Variants in UCK2 observed in about 807,000 individuals in gnomAD.
UCK2 encodes the protein uridine-cytidine kinase 2.
UCK2 carries 6 observed loss-of-function variants against 30.8 expected under a neutral mutation model. The ratio of observed to expected loss-of-function variants is 0.19; its 90% confidence interval spans 0.11 to 0.38. UCK2 has a LOEUF of 0.38. UCK2 is among the 10% of genes least tolerant of loss of function. The pLI, the probability that UCK2 is intolerant of heterozygous loss-of-function variation, is 1.00. For synonymous variants in UCK2, 125 were observed against 133.6 expected (o/e 0.94, Z 0.45); for missense variants, 210 against 339.8 (o/e 0.62, Z 3.00).
At chr1:165,886,685 G>A (rs1483112389) in intron 1 of UCK2, among the ~76,000 whole-genome samples, 1 of 152,206 alleles carries the variant, frequency 6.6e-6, no homozygotes, top group Non-Finnish European at 1.5e-5. Context: ...AGAACACAGA[G>A]ATGATAGTGA....
chr1:165,900,673 G>A (rs1647427014), intron 4 of UCK2: 1 of 152,440 alleles, frequency 6.6e-6, no homozygotes, highest in Non-Finnish European at 1.5e-5. Context: ...CAGTTAGGAG[G>A]ACTACGTGAC....
At chr1:165,898,406 T>C (rs559675038) in intron 4 of UCK2, among the ~76,000 whole-genome samples, 5 of 152,260 alleles carry the variant, frequency 3.3e-5, no homozygotes, top group South Asian at 4.1e-4. Flanking sequence ...AATATCTATG[T>C]GGCAGATCAG....
intron 1 of UCK2, among the ~76,000 whole-genome samples, chr1:165,843,228 T>A (rs1432130621): frequency 2.0e-5 from 3 of 152,206 alleles, no homozygotes; most frequent in Non-Finnish European, 1.5e-5. Context: ...AGTCCTTTTT[T>A]TTTTTAAACC....
intron 1 of UCK2, among the ~76,000 whole-genome samples, chr1:165,876,695 G>T (rs1470395293): frequency 1.3e-5 from 2 of 152,170 alleles, no homozygotes; most frequent in Non-Finnish European, 2.9e-5. Flanking sequence ...CAATCTTGAT[G>T]ACTTAAAATG....
chr1:165,896,981 G>A (rs1261216598), intron 4 of UCK2, among the ~76,000 whole-genome samples: 1 of 152,228 alleles, frequency 6.6e-6, no homozygotes, highest in Non-Finnish European at 1.5e-5. Flanking sequence ...TCAGCAGAGA[G>A]TTCGCTTCCA....
At chr1:165,870,810 A>G (rs1655178067) in intron 1 of UCK2, among the ~76,000 whole-genome samples, 1 of 152,208 alleles carries the variant, frequency 6.6e-6, no homozygotes, top group Non-Finnish European at 1.5e-5. Flanking sequence ...TCATTGGACA[A>G]AAATTCCTTG....
At chr1:165,906,430 A>T (rs367694799) in intron 6 of UCK2, among the ~76,000 whole-genome samples, 2 of 152,128 alleles carry the variant, frequency 1.3e-5, no homozygotes, top group African/African-American at 4.8e-5. Context: ...TGTCACCAAG[A>T]TGGAAGTGCA....
At chr1:165,828,234 G>A (rs1653945654) in intron 1 of UCK2, among the ~76,000 whole-genome samples, 1 of 152,206 alleles carries the variant, frequency 6.6e-6, no homozygotes, top group Admixed American at 6.5e-5. Context: ...ATGGGGGAAG[G>A]GCAGGGAAGC....
chr1:165,831,332 T>C (rs1654041290), intron 1 of UCK2, among the ~76,000 whole-genome samples: 2 of 152,174 alleles, frequency 1.3e-5, no homozygotes, highest in Admixed American at 1.3e-4. Flanking sequence ...TGCAGTGAGC[T>C]TTGATGGTGC....
At chr1:165,828,831 T>C (rs1653965665) in intron 1 of UCK2, among the ~76,000 whole-genome samples, 1 of 152,120 alleles carries the variant, frequency 6.6e-6, no homozygotes, top group South Asian at 2.1e-4. Context: ...CTTTCTTTGC[T>C]CCCCTAACAG....
chr1:165,873,771 C>G (rs985131313), intron 1 of UCK2, among the ~76,000 whole-genome samples: 2 of 152,082 alleles, frequency 1.3e-5, no homozygotes, highest in Admixed American at 6.5e-5. Flanking sequence ...GCCTTAGTGC[C>G]GAGACGTGGG....
At chr1:165,882,053 G>T (rs10753696) in intron 1 of UCK2, among the ~76,000 whole-genome samples, 151,514 of 152,310 alleles carry the variant, frequency 0.99, 75,366 homozygotes, top group Middle Eastern at 1. Flanking sequence ...TAATAGCCTT[G>T]TGGGTTTCCC....
At chr1:165,847,904 T>C (rs1654492447) in intron 1 of UCK2, among the ~76,000 whole-genome samples, 1 of 152,148 alleles carries the variant, frequency 6.6e-6, no homozygotes. Flanking sequence ...TTTCACCATG[T>C]TGGCCAGGCT....
intron 4 of UCK2, among the ~76,000 whole-genome samples, chr1:165,899,238 G>A (rs917246442): frequency 9.9e-5 from 15 of 152,110 alleles, no homozygotes; most frequent in African/African-American, 3.6e-4. Flanking sequence ...GGAAACCCTT[G>A]ATCTTCTCGG....
intron 1 of UCK2, among the ~76,000 whole-genome samples, chr1:165,833,344 C>T (rs1443785542): frequency 6.6e-6 from 1 of 152,130 alleles, no homozygotes; most frequent in East Asian, 1.9e-4. Context: ...CCACTCTTGG[C>T]ATGGCAGGCT....
chr1:165,831,673 G>A (rs1216854174), intron 1 of UCK2, among the ~76,000 whole-genome samples: 1 of 152,108 alleles, frequency 6.6e-6, no homozygotes, highest in Admixed American at 6.5e-5. Context: ...GGAAACCTTG[G>A]GTAACTCCCC....
At chr1:165,878,530 G>GA (rs1655397181) in intron 1 of UCK2, among the ~76,000 whole-genome samples, 3 of 151,976 alleles carry the variant, frequency 2.0e-5, no homozygotes, top group African/African-American at 7.2e-5. Context: ...GGGGTTTGGT[G>GA]AAACCCCCTC....
At chr1:165,843,447 C>A (rs1478121909) in intron 1 of UCK2, among the ~76,000 whole-genome samples, 1 of 152,160 alleles carries the variant, frequency 6.6e-6, no homozygotes, top group African/African-American at 2.4e-5. Context: ...AGGGATGGCA[C>A]AGGCTTTTAA....
intron 1 of UCK2, among the ~76,000 whole-genome samples, chr1:165,831,753 A>G (rs1169119207): frequency 6.6e-6 from 1 of 151,994 alleles, no homozygotes; most frequent in African/African-American, 2.4e-5. Context: ...GTCCCAGGCT[A>G]TTATTTTTAT....
Sources: gnomAD v4.1 joint callset for allele counts (sites outside exome capture counted in the v4.1 genomes callset) on GRCh38, gnomAD v4.1.1 for gene constraint, MANE v1.5 for transcripts, NCBI Gene and HGNC (gene_info 2026-07-23, HGNC 2026-07-21) for gene names.